The following ITPR1 variants were observed in gnomAD, a reference collection of about 807,000 sequenced individuals.
The protein encoded by ITPR1 is inositol 1,4,5-trisphosphate receptor type 1.
ITPR1 carries 96 observed loss-of-function variants against 318.4 expected under a neutral mutation model. The ratio of observed to expected loss-of-function variants is 0.30; its 90% CI spans 0.26 to 0.36. The LOEUF is 0.36. Among genes scored for constraint, ITPR1 ranks in the 10% least tolerant of loss-of-function variants. The probability of loss-of-function intolerance (pLI) is 1.00; values close to 1 mark genes in which losing one functional copy is unlikely to be tolerated. For synonymous variants in ITPR1, 1,312 were observed against 1,289.9 expected, an observed-to-expected ratio of 1.02 and a Z score of -0.37; for missense variants, 2,440 against 3,460.2, an observed-to-expected ratio of 0.71 and a Z score of 7.40.
intron 4 of ITPR1, among the ~76,000 whole-genome samples, chr3:4,543,585 G>C (rs1482126142): frequency 6.6e-6 from 1 of 152,194 alleles, no homozygotes; most frequent in African/African-American, 2.4e-5. Context: ...TGGGGCTATA[G>C]GCACGTGCCA....
intron 50 of ITPR1, among the ~76,000 whole-genome samples, chr3:4,783,414 G>T (rs953638573): frequency 1.3e-5 from 2 of 152,100 alleles, no homozygotes; most frequent in African/African-American, 4.8e-5. Flanking sequence ...GCCCGAGGTT[G>T]GTGGGCCCCT....
intron 51 of ITPR1, among the ~76,000 whole-genome samples, chr3:4,787,277 G>T (rs1359604771): frequency 7.7e-6 from 1 of 129,104 alleles, no homozygotes; most frequent in Non-Finnish European, 1.6e-5. Context: ...GGTGGAGGTT[G>T]CAGTGAGCTG....
chr3:4,633,236 T>C (rs1334895390), intron 5 of ITPR1, among the ~76,000 whole-genome samples: 1 of 152,186 alleles, frequency 6.6e-6, no homozygotes, highest in Non-Finnish European at 1.5e-5. Flanking sequence ...GGGCCCGGCC[T>C]CAGGTCTTGA....
chr3:4,689,975 T>A (rs953032452), intron 31 of ITPR1, among the ~76,000 whole-genome samples: 34 of 152,160 alleles, frequency 2.2e-4, no homozygotes, highest in Admixed American at 5.9e-4. Context: ...AAGGAAAAAG[T>A]TGACCTTCTT....
At chr3:4,668,146 C>T (rs1193700702) in intron 18 of ITPR1, among the ~76,000 whole-genome samples, 2 of 151,460 alleles carry the variant, frequency 1.3e-5, no homozygotes, top group Non-Finnish European at 2.9e-5. Flanking sequence ...TACCTACAAA[C>T]AGTAGGTCTT....
In ITPR1 at chr3:4,781,570, C is replaced by T. The variant is rs576321280; in HGVS notation, c.6388-1049C>T. Among the ~76,000 whole-genome samples, 224 of 152,248 alleles carry T rather than the reference C, an allele frequency of 1.5e-3. 2 individuals carry two copies. Among genetic ancestry groups the T allele is most frequent in the African/African-American group, 4.9e-3 (204 of 41,536 alleles). ...GAGACAAGCCAAGTGTGTGGTCCTC[C>T]GGGAGCCGAGTCGTGCGGCTGTGAA... On this transcript the variant is annotated intron_variant, in intron 49 of 61. Coordinates refer to ENST00000649015, the MANE Select transcript of ITPR1 (RefSeq NM_001378452.1).
intron 60 of ITPR1, among the ~76,000 whole-genome samples, chr3:4,818,741 T>C (rs2049473970): frequency 6.6e-6 from 1 of 152,148 alleles, no homozygotes; most frequent in Non-Finnish European, 1.5e-5. Flanking sequence ...GATCATATGA[T>C]GGAGGAATTT....
chr3:4,696,132 T>A (rs534615034), intron 33 of ITPR1, among the ~76,000 whole-genome samples: 95 of 152,364 alleles, frequency 6.2e-4, no homozygotes, highest in African/African-American at 2.1e-3. Flanking sequence ...TGTTTACAGA[T>A]ATGATTCACT....
chr3:4,693,705 C>T lies in ITPR1; in HGVS notation c.4245C>T (p.Ile1415=), dbSNP rs764828430. ...KCNSLLPLDD[I]VRVVTHEDCI... is the part of the protein sequence containing the mutation. ...ACTCCCTGCTCCCGCTGGATGACATCGTTCGCGTGGTGACCCACGAGGACT... is the reference window on the plus strand; with the variant it reads ...ACTCCCTGCTCCCGCTGGATGACATTGTTCGCGTGGTGACCCACGAGGACT... Residue 1415 remains isoleucine, a synonymous_variant, in exon 33 of 62, where the codon ATC becomes ATT. Coordinates refer to ENST00000649015, the MANE Select transcript of ITPR1 (RefSeq NM_001378452.1). The T allele has an allele frequency of 4.0e-5, 65 of 1,613,642 alleles. No homozygotes were observed. The highest frequency in any genetic ancestry group is 5.0e-5 in the Non-Finnish European group (59 of 1,179,780).
intron 26 of ITPR1, among the ~76,000 whole-genome samples, chr3:4,682,886 T>C (rs113633616): frequency 2.3e-5 from 3 of 130,622 alleles, no homozygotes; most frequent in Admixed American, 7.7e-5. Context: ...ATCTAGGATA[T>C]GCTTATTAAT....
intron 44 of ITPR1, among the ~76,000 whole-genome samples, chr3:4,755,261 G>A (rs1283429724): frequency 9.9e-5 from 15 of 151,702 alleles, no homozygotes; most frequent in African/African-American, 3.4e-4. Flanking sequence ...ATCCACACAG[G>A]GTGGAGGGGG....
chr3:4,754,676 C>G (rs571825283), intron 44 of ITPR1, among the ~76,000 whole-genome samples: 1 of 152,154 alleles, frequency 6.6e-6, no homozygotes, highest in South Asian at 2.1e-4. Context: ...GAGATCTAAC[C>G]AAACTCTCCT....
intron 4 of ITPR1, among the ~76,000 whole-genome samples, chr3:4,626,698 A>G (rs1316855788): frequency 1.3e-5 from 2 of 152,208 alleles, no homozygotes; most frequent in African/African-American, 4.8e-5. Context: ...GAGTGAGGGG[A>G]CAAGGGCACA....
chr3:4,706,788 C>T (rs2094767256), intron 37 of ITPR1, among the ~76,000 whole-genome samples: 1 of 152,202 alleles, frequency 6.6e-6, no homozygotes, highest in Non-Finnish European at 1.5e-5. Context: ...AAAAGTATTC[C>T]TTCCAGCTAG....
At chr3:4,548,317 T>G (rs1040066261) in intron 4 of ITPR1, among the ~76,000 whole-genome samples, 1 of 152,224 alleles carries the variant, frequency 6.6e-6, no homozygotes, top group Non-Finnish European at 1.5e-5. Context: ...TTGGATTTCC[T>G]TTTCCACAAT....
At chr3:4,648,871 T>G (rs2093528203) in intron 10 of ITPR1, among the ~76,000 whole-genome samples, 1 of 152,228 alleles carries the variant, frequency 6.6e-6, no homozygotes, top group Admixed American at 6.5e-5. Context: ...TTGCATTGAC[T>G]GTGCTTTAGT....
In ITPR1 at chr3:4,672,314, T is replaced by A. The variant is rs1225708216; in HGVS notation, c.2205-822T>A. ...TCTTTGTTAACCTTGAATATCATGA[T>A]GCTTTTTAATTTTTGGTAATTTTAT... On this transcript the variant is annotated intron_variant, in intron 20 of 61. Coordinates refer to ENST00000649015, the MANE Select transcript of ITPR1 (RefSeq NM_001378452.1). Among the ~76,000 whole-genome samples the A allele has an allele frequency of 2.0e-5, 3 of 152,372 alleles. No homozygotes were observed. The East Asian group carries it at 5.8e-4, about 29-fold the overall frequency.
At position 4,710,294 on chromosome 3, in the gene ITPR1, G is replaced by A; in HGVS notation, c.4843-31G>A. On this transcript the variant is annotated intron_variant, in intron 37 of 61. Coordinates refer to ENST00000649015, the MANE Select transcript of ITPR1 (RefSeq NM_001378452.1). The surrounding 1 kb of genome is among the most constrained non-coding windows in gnomAD (Gnocchi z 4.2). ...CCTCCTGTGGTCAGCGTCTGCCTGA[G>A]CCGTTGACTGAGGCTGTGTTTCCGT... 1 of 1,515,042 alleles carries A rather than the reference G, an allele frequency of 6.6e-7. No individual in the cohort carries two copies. Among genetic ancestry groups the A allele is most frequent in the African/African-American group, 1.4e-5 (1 of 72,516 alleles). 93.8% of individuals were successfully genotyped at this position (1,515,042 alleles called of 1,614,324 possible). A position where few individuals can be genotyped will look rare whatever the true frequency, so the allele number is the denominator to read the frequency against.
chr3:4,789,030 T>C (rs948175999), intron 52 of ITPR1, among the ~76,000 whole-genome samples: 4 of 152,068 alleles, frequency 2.6e-5, no homozygotes, highest in African/African-American at 9.7e-5. Flanking sequence ...TCTTCCCTTT[T>C]CTCCCTACCT....
Sources: gnomAD v4.1 joint callset for allele counts (sites outside exome capture counted in the v4.1 genomes callset) on GRCh38, gnomAD v4.1.1 for gene constraint, Gnocchi (gnomAD v3.1) non-coding constraint, MANE v1.5 for transcripts, NCBI Gene and HGNC (gene_info 2026-07-23, HGNC 2026-07-21) for gene names.